XKR5: variants seen among roughly 807,000 people sequenced by gnomAD.
XKR5 encodes XK related 5, also known as XK-related protein 5.
Under a neutral mutation model 40.8 loss-of-function variants are expected in XKR5, and 46 were observed. That is an observed-to-expected ratio of 1.13 (90% confidence interval 0.89 to 1.44). XKR5 has a LOEUF of 1.44. Ranked by LOEUF, XKR5 falls within the 40% of genes most tolerant of loss-of-function variation. The pLI, the probability that XKR5 is intolerant of heterozygous loss-of-function variation, is 0.00. For missense variants in XKR5, 1,169 were observed against 844.7 expected (o/e 1.38, Z -4.76); for synonymous variants, 466 against 356.1 (o/e 1.31, Z -3.48).
At position 6,832,734 on chromosome 8, in the gene XKR5, C is replaced by A. The variant is rs756907395; in HGVS notation, c.225G>T (p.Gln75His). ...HCSLMMLHLL[Q>H]LGVWKRHWDA... is the part of the protein sequence containing the mutation. ...GTTCTTACCGCTTCCAAACACCAAG[C>A]TGTAGGAGGTGCAGCATCATCAAGG... Residue 75 changes from glutamine to histidine, a missense_variant, in exon 2 of 7, where the codon CAG (glutamine) becomes CAT (histidine). Transcript: ENST00000618742. 1.2e-6 allele frequency: 2 copies of A among 1,613,134 alleles called. No homozygotes were observed. The highest frequency in any genetic ancestry group is 1.7e-6 in the Non-Finnish European group (2 of 1,179,578).
At chr8:6,828,768 C>T (rs1003369459) in intron 2 of XKR5, among the ~76,000 whole-genome samples, 2 of 152,190 alleles carry the variant, frequency 1.3e-5, no homozygotes, top group South Asian at 4.1e-4. Context: ...CTCATTTGCC[C>T]ATATTATTCC....
At chr8:6,827,766 G>C (rs1804579296) in intron 2 of XKR5, among the ~76,000 whole-genome samples, 1 of 152,106 alleles carries the variant, frequency 6.6e-6, no homozygotes, top group African/African-American at 2.4e-5. Context: ...CTTGGGCTTT[G>C]AGAGGCCCAC....
chr8:6,812,572 G>A (rs554170815), intron 6 of XKR5, among the ~76,000 whole-genome samples: 2 of 152,320 alleles, frequency 1.3e-5, no homozygotes, highest in South Asian at 4.1e-4. Flanking sequence ...GCTTAAATCC[G>A]ATTGATTCTA....
intron 2 of XKR5, among the ~76,000 whole-genome samples, chr8:6,826,014 T>C (rs1031959067): frequency 1.3e-5 from 2 of 152,074 alleles, no homozygotes; most frequent in Non-Finnish European, 2.9e-5. Flanking sequence ...GAAAAATGAA[T>C]TTGGCAGAGG....
intron 2 of XKR5, among the ~76,000 whole-genome samples, chr8:6,831,379 G>C (rs557678324): frequency 2.6e-5 from 4 of 152,234 alleles, no homozygotes; most frequent in South Asian, 2.1e-4. Context: ...ATATGCTTTC[G>C]GTGCTGTTAG....
intron 5 of XKR5, among the ~76,000 whole-genome samples, 173 bp downstream of exon 5, chr8:6,821,696 C>G (rs770159918): frequency 6.6e-6 from 1 of 152,174 alleles, no homozygotes; most frequent in Non-Finnish European, 1.5e-5. Context: ...CAAAGCCTGT[C>G]ATCTCTGTTC....
At chr8:6,831,295 G>A (rs1463950784) in intron 2 of XKR5, among the ~76,000 whole-genome samples, 1 of 152,232 alleles carries the variant, frequency 6.6e-6, no homozygotes, top group Non-Finnish European at 1.5e-5. Flanking sequence ...GGAAGGAAGG[G>A]CCCTGTCTTT....
Position 6,812,239 on chromosome 8 carries a change from A to G in XKR5, c.1020T>C (p.Asp340=). Residue 340 remains aspartate, a synonymous_variant, in exon 7 of 7, where the codon GAT becomes GAC. Transcript: ENST00000618742. ...GGGGAGAATCTCTTCTCTCTGTTTT[A>G]TCACCTCCTGCAATGCCACAGGACT... ...LRKSCGIAGG[D]KTERRDSPRA... 1 of 1,552,566 alleles carries G rather than the reference A, an allele frequency of 6.4e-7. No homozygotes were observed. Among genetic ancestry groups the G allele is most frequent in the East Asian group, 2.4e-5 (1 of 41,046 alleles).
intron 3 of XKR5, among the ~76,000 whole-genome samples, chr8:6,824,216 C>T (rs1382473351): frequency 6.6e-6 from 1 of 151,084 alleles, no homozygotes; most frequent in Non-Finnish European, 1.5e-5. Context: ...AAGGACAGTG[C>T]AGGCATATAT....
At chr8:6,822,545 G>A (rs903428691) in intron 4 of XKR5, among the ~76,000 whole-genome samples, 2 of 152,134 alleles carry the variant, frequency 1.3e-5, no homozygotes, top group African/African-American at 4.8e-5. Flanking sequence ...CTCTTTAGAA[G>A]CACAGTTCTT....
intron 5 of XKR5, among the ~76,000 whole-genome samples, 176 bp from the exon 6 acceptor site, chr8:6,816,094 C>T (rs777178192): frequency 3.3e-5 from 5 of 151,988 alleles, no homozygotes; most frequent in African/African-American, 1.2e-4. Flanking sequence ...CCTTCTCTGG[C>T]AAAGAGAGAG....
chr8:6,834,954 C>A (rs1473090024), intron 1 of XKR5, among the ~76,000 whole-genome samples: 2 of 152,190 alleles, frequency 1.3e-5, no homozygotes, highest in Admixed American at 6.5e-5. Context: ...CCCCCGCCAC[C>A]CCTTCTGCGA....
Position 6,832,734 on chromosome 8 carries a change from CT to C in XKR5, c.224del (p.Gln75ArgfsTer13), listed in dbSNP as rs1563365435. The C allele has an allele frequency of 2.5e-6, 4 of 1,613,134 alleles. No homozygotes were observed. The highest frequency in any genetic ancestry group is 3.4e-6 in the Non-Finnish European group (4 of 1,179,578). ...GTTCTTACCGCTTCCAAACACCAAG[CT>C]GTAGGAGGTGCAGCATCATCAAGGA... is the stretch of plus-strand genomic sequence containing the variant. Reference protein sequence around the residue: ...HCSLMMLHLLQLGVWKRHWDA... With the variant: ...HCSLMMLHLLXLGVWKRHWDA... On this transcript the variant is annotated frameshift_variant, in exon 2 of 7. Transcript: ENST00000618742. LOFTEE classifies it high-confidence loss of function.
rs146471349 is a variant in XKR5 at position 6,832,153 on chromosome 8, G to C, written c.242+564C>G. On this transcript the variant is annotated intron_variant, in intron 2 of 6. Transcript: ENST00000618742. ...TCCTTGAATCCAGGTTCTCAAAGTA[G>C]AAAAAAATCAGCCCTCACCTGTCGT... Among the ~76,000 whole-genome samples, 8 of 151,886 alleles carry C rather than the reference G, an allele frequency of 5.3e-5. No individual in the cohort carries two copies. The East Asian group carries it at 1.6e-3, about 29-fold the overall frequency.
chr8:6,814,548 G>T (rs148146807), intron 6 of XKR5, among the ~76,000 whole-genome samples: 1 of 152,160 alleles, frequency 6.6e-6, no homozygotes, highest in Admixed American at 6.5e-5. Context: ...GCACCTCGAC[G>T]TACTACTTTG....
chr8:6,830,377 G>A (rs571287503), intron 2 of XKR5, among the ~76,000 whole-genome samples: 109 of 152,316 alleles, frequency 7.2e-4, no homozygotes, highest in African/African-American at 2.6e-3. Flanking sequence ...CTATGTGCTA[G>A]TTTCAGGATG....
rs371027313 is a variant in XKR5 at position 6,815,792 on chromosome 8, G to A, written c.919+15C>T. ...GGGGAGGGGATGCAGAGAAGAAGGT[G>A]ACATTGGGACTTACCAATCAGAAAT... On this transcript the variant is annotated intron_variant, in intron 6 of 6. Transcript: ENST00000618742. 3.2e-6 allele frequency: 5 copies of A among 1,545,022 alleles called. No individual in the cohort carries two copies. Among genetic ancestry groups the A allele is most frequent in the South Asian group, 1.2e-5 (1 of 84,902 alleles).
chr8:6,834,662 AGGG>A (rs1804926822), intron 1 of XKR5, among the ~76,000 whole-genome samples: 1 of 151,864 alleles, frequency 6.6e-6, no homozygotes, highest in Non-Finnish European at 1.5e-5. Flanking sequence ...CGGCGTTCCC[AGGG>A]TACCCCCTCT....
chr8:6,816,638 A>AAT (rs1803968413), intron 5 of XKR5, among the ~76,000 whole-genome samples: 2 of 148,620 alleles, frequency 1.3e-5, no homozygotes, highest in Non-Finnish European at 3.0e-5. Context: ...TTTTATATTT[A>AAT]ATATATATTT....
Sources: gnomAD v4.1 joint callset for allele counts (sites outside exome capture counted in the v4.1 genomes callset) on GRCh38, gnomAD v4.1.1 for gene constraint, MANE v1.5 for transcripts, NCBI Gene and HGNC (gene_info 2026-07-23, HGNC 2026-07-21) for gene names.